XIRP2: variants seen among roughly 807,000 people sequenced by gnomAD.
The protein encoded by XIRP2 is xin actin-binding repeat-containing protein 2.
A neutral mutation model predicts 277.0 loss-of-function variants in XIRP2; 236 were observed. The ratio of observed to expected loss-of-function variants is 0.85; its 90% CI spans 0.77 to 0.95. The LOEUF (loss-of-function observed/expected upper bound fraction) is 0.95. XIRP2 is among the 40% of genes least tolerant of loss of function. The pLI, the probability that XIRP2 is intolerant of heterozygous loss-of-function variation, is 0.00. For missense variants in XIRP2, 4,640 were observed against 4,157.5 expected (o/e 1.12, Z -3.19); for synonymous variants, 1,490 against 1,416.5 (o/e 1.05, Z -1.17).
intron 3 of XIRP2, among the ~76,000 whole-genome samples, chr2:167,163,874 A>G (rs1573926252): frequency 6.6e-6 from 1 of 152,186 alleles, no homozygotes; most frequent in African/African-American, 2.4e-5. Flanking sequence ...CGTGTGGATG[A>G]CCACTTGTTC....
chr2:166,955,758 T>C (rs1333558556), intron 2 of XIRP2, among the ~76,000 whole-genome samples: 1 of 151,812 alleles, frequency 6.6e-6, no homozygotes, highest in Admixed American at 6.6e-5. Context: ...GCTTCGAATA[T>C]TTTGAAATAC....
intron 2 of XIRP2, among the ~76,000 whole-genome samples, chr2:167,089,821 T>G (rs766782101): frequency 4.6e-5 from 7 of 152,122 alleles, no homozygotes; most frequent in Non-Finnish European, 1.0e-4. Context: ...CATTTGTTTA[T>G]GTATTATCTA....
chr2:167,180,538 T>G (rs1692982605), intron 3 of XIRP2, among the ~76,000 whole-genome samples: 1 of 152,266 alleles, frequency 6.6e-6, no homozygotes, highest in African/African-American at 2.4e-5. Flanking sequence ...TAGTCTTCAC[T>G]GTTTTCGTTA....
In XIRP2 at chr2:167,174,491, T is replaced by C. The variant is rs4613243; in HGVS notation, c.563-36244T>C. 4.2e-3 allele frequency among the ~76,000 whole-genome samples: 644 copies of C among 152,296 alleles called. 10 individuals carry two copies. The highest frequency in any genetic ancestry group is 0.04 in the Admixed American group (606 of 15,290). ...TTTATTGTTTTTTATTGTGTCTATTTGATTCTTCTCTCTTTTCTTCTTTAT... is the reference window on the plus strand; with the variant it reads ...TTTATTGTTTTTTATTGTGTCTATTCGATTCTTCTCTCTTTTCTTCTTTAT... On this transcript the variant is annotated intron_variant, in intron 3 of 10. Coordinates refer to ENST00000409195, the MANE Select transcript of XIRP2 (RefSeq NM_152381.6).
rs1434717074 is a variant in XIRP2 at position 167,259,291 on chromosome 2, G to A, written c.*1474G>A. ...CAGCTAAGCCTTTGTTTCCCAGAGT[G>A]GAGGTGCAGTCAGAACAACTCACGG... On this transcript the variant is annotated 3_prime_UTR_variant, in exon 11 of 11. Transcript: ENST00000409195. 13 of 1,613,218 alleles carry A rather than the reference G, an allele frequency of 8.1e-6. No individual in the cohort carries two copies. The highest frequency in any genetic ancestry group is 1.1e-5 in the Non-Finnish European group (13 of 1,179,572).
At chr2:167,093,643 A>G (rs1690214035) in intron 2 of XIRP2, among the ~76,000 whole-genome samples, 1 of 152,106 alleles carries the variant, frequency 6.6e-6, no homozygotes, top group Non-Finnish European at 1.5e-5. Context: ...CAAAGAAATG[A>G]ACTCATTCTT....
chr2:166,907,934 G>T (rs922891655), intron 2 of XIRP2, among the ~76,000 whole-genome samples: 1 of 151,992 alleles, frequency 6.6e-6, no homozygotes, highest in African/African-American at 2.4e-5. Context: ...TCCCTACAAA[G>T]GACATGAACT....
chr2:167,107,211 A>G (rs1377943763), intron 2 of XIRP2, among the ~76,000 whole-genome samples: 1 of 151,798 alleles, frequency 6.6e-6, no homozygotes, highest in Admixed American at 6.6e-5. Context: ...TGCATTGGCC[A>G]TAACTTCCAA....
intron 2 of XIRP2, among the ~76,000 whole-genome samples, chr2:166,911,133 T>C (rs1158207870): frequency 1.3e-5 from 2 of 152,234 alleles, no homozygotes; most frequent in Non-Finnish European, 2.9e-5. Context: ...TTAGGTCCGC[T>C]TGTTACAGAG....
intron 2 of XIRP2, among the ~76,000 whole-genome samples, chr2:166,959,402 G>A (rs1349912755): frequency 1.3e-5 from 2 of 151,968 alleles, no homozygotes; most frequent in East Asian, 2.0e-4. Flanking sequence ...AGCCAAAGCA[G>A]TTGTGTGATT....
intron 2 of XIRP2, among the ~76,000 whole-genome samples, chr2:167,074,611 T>TGTGTGTGTGTGC (rs1375456869): frequency 1.4e-5 from 2 of 147,756 alleles, no homozygotes; most frequent in Non-Finnish European, 3.0e-5. Flanking sequence ...TTTCTGTGTG[T>TGTGTGTGTGTGC]GTGTGTGTGT....
chr2:167,248,694 A>C lies in XIRP2; in HGVS notation c.7302A>C (p.Lys2434Asn). Reference sequence around the variant, plus strand: ...AACCCAAACTTCCCAAGCATATAAAAGATAATAAGAACGATTTTTCCCCCA... The same window carrying C: ...AACCCAAACTTCCCAAGCATATAAACGATAATAAGAACGATTTTTCCCCCA... ...LPKPKLPKHI[K>N]DNKNDFSPKV... Residue 2434 changes from lysine to asparagine, a missense_variant, in exon 9 of 11, where the codon AAA becomes AAC. By Grantham distance (94) the Lys-to-Asn change is moderately conservative. Coordinates refer to ENST00000409195, the MANE Select transcript of XIRP2 (RefSeq NM_152381.6). 1.2e-6 allele frequency: 2 copies of C among 1,613,796 alleles called. No homozygotes were observed. Among genetic ancestry groups the C allele is most frequent in the Non-Finnish European group, 1.7e-6 (2 of 1,179,816 alleles).
chr2:167,112,013 CT>C (rs1319004670), intron 2 of XIRP2, among the ~76,000 whole-genome samples: 1 of 152,012 alleles, frequency 6.6e-6, no homozygotes, highest in Non-Finnish European at 1.5e-5. Context: ...ATAACACTGC[CT>C]TTGTTATTTC....
At chr2:167,057,424 T>C (rs1024765326) in intron 2 of XIRP2, among the ~76,000 whole-genome samples, 2 of 152,152 alleles carry the variant, frequency 1.3e-5, no homozygotes, top group African/African-American at 2.4e-5. Context: ...AAGAATAACA[T>C]TGTGACTTCT....
intron 1 of XIRP2, among the ~76,000 whole-genome samples, chr2:166,896,553 A>G (rs1684248316): frequency 6.6e-6 from 1 of 151,930 alleles, no homozygotes; most frequent in South Asian, 2.1e-4. Context: ...CTACAGTTGT[A>G]CAATGTGTTT....
At chr2:167,040,611 A>G (rs1390000852) in intron 2 of XIRP2, among the ~76,000 whole-genome samples, 3 of 152,140 alleles carry the variant, frequency 2.0e-5, no homozygotes, top group Non-Finnish European at 2.9e-5. Context: ...AGCCATGGGA[A>G]CACATCCCAA....
chr2:166,901,904 C>T (rs955793892), intron 1 of XIRP2, among the ~76,000 whole-genome samples: 9 of 151,964 alleles, frequency 5.9e-5, no homozygotes, highest in African/African-American at 1.9e-4. Context: ...TCCAAGCACT[C>T]GCATCTAGGA....
At chr2:166,904,679 G>T (rs1462255442) in intron 2 of XIRP2, among the ~76,000 whole-genome samples, 1 of 151,902 alleles carries the variant, frequency 6.6e-6, no homozygotes, top group Non-Finnish European at 1.5e-5. Flanking sequence ...CACTCATTAG[G>T]GCCTGTACAT....
Position 166,939,679 on chromosome 2 carries a change from CA to C in XIRP2, c.408+35808del, listed in dbSNP as rs138977006. Among the ~76,000 whole-genome samples, 885 of 90,658 alleles carry C rather than the reference CA, an allele frequency of 9.8e-3. 14 individuals are homozygous for C. Among genetic ancestry groups the C allele is most frequent in the African/African-American group, 0.031 (603 of 19,660 alleles). 59.5% of individuals were successfully genotyped at this position (90,658 alleles called of 152,430 possible). On this transcript the variant is annotated intron_variant, in intron 2 of 10. Transcript: ENST00000409195. ...TGGGCGAAAGAGCAAGACTCCATCACAAAAAAAAAAAAAAAAAAACAAAAAA... is the reference window on the plus strand; with the variant it reads ...TGGGCGAAAGAGCAAGACTCCATCACAAAAAAAAAAAAAAAAAACAAAAAA...
Sources: gnomAD v4.1 joint callset for allele counts (sites outside exome capture counted in the v4.1 genomes callset) on GRCh38, gnomAD v4.1.1 for gene constraint, MANE v1.5 for transcripts, NCBI Gene and HGNC (gene_info 2026-07-23, HGNC 2026-07-21) for gene names.